NRG3: variants seen among roughly 807,000 people sequenced by gnomAD.
NRG3 encodes the protein neuregulin 3.
In NRG3, 31 loss-of-function variants were observed where a neutral mutation model predicts 66.9. The observed-to-expected ratio is 0.46, with a 90% CI of 0.35 to 0.63. The LOEUF (loss-of-function observed/expected upper bound fraction) is 0.63, where lower values mean the gene tolerates loss of function less well. Ranked by LOEUF, NRG3 falls within the 20% of genes least tolerant of loss-of-function variation. The pLI is 0.00. For synonymous variants in NRG3, 393 were observed against 359.4 expected (o/e 1.09, Z -1.06); for missense variants, 910 against 878.9 (o/e 1.04, Z -0.45).
At chr10:82,109,826 C>T (rs2067281130) in intron 1 of NRG3, among the ~76,000 whole-genome samples, 1 of 151,928 alleles carries the variant, frequency 6.6e-6, no homozygotes, top group South Asian at 2.1e-4. Flanking sequence ...GCAGCAGGTG[C>T]AGAACTAAAG....
chr10:81,902,949 A>G (rs1301959633), intron 1 of NRG3, among the ~76,000 whole-genome samples: 2 of 151,974 alleles, frequency 1.3e-5, no homozygotes, highest in African/African-American at 4.8e-5. Context: ...ACAACATCTC[A>G]CTCAGTTCTC....
Position 82,917,155 on chromosome 10 carries a change from A to G in NRG3, c.1055-34314A>G, listed in dbSNP as rs142106814. Among the ~76,000 whole-genome samples the G allele has an allele frequency of 3.7e-3, 567 of 152,338 alleles. 6 individuals are homozygous for G. Among genetic ancestry groups the G allele is most frequent in the Admixed American group, 5.4e-3 (82 of 15,300 alleles). ...AGTAAGGAATTTGATAAGGGGGAAGAAAATTAAACAGGGTCCTAATATTGG... is the reference window on the plus strand; with the variant it reads ...AGTAAGGAATTTGATAAGGGGGAAGGAAATTAAACAGGGTCCTAATATTGG... On this transcript the variant is annotated intron_variant, in intron 4 of 8. Transcript: ENST00000372141.
chr10:82,002,487 C>T (rs1387695027), intron 1 of NRG3, among the ~76,000 whole-genome samples: 1 of 152,132 alleles, frequency 6.6e-6, no homozygotes, highest in Non-Finnish European at 1.5e-5. Flanking sequence ...ACTTGTAATT[C>T]AGCAGCTGTG....
intron 1 of NRG3, among the ~76,000 whole-genome samples, chr10:82,316,517 CT>C (rs1564787668): frequency 3.3e-5 from 5 of 152,046 alleles, no homozygotes; most frequent in East Asian, 1.9e-4. Flanking sequence ...CCTACGGACC[CT>C]TTTTTCCCCC....
intron 2 of NRG3, among the ~76,000 whole-genome samples, chr10:82,647,259 G>T (rs1185758466): frequency 6.6e-6 from 1 of 151,998 alleles, no homozygotes; most frequent in African/African-American, 2.4e-5. Context: ...GCGGTGTTTG[G>T]TTTTTTGTTC....
chr10:82,925,916 C>T (rs964387474), intron 4 of NRG3, among the ~76,000 whole-genome samples: 10 of 152,202 alleles, frequency 6.6e-5, no homozygotes, highest in African/African-American at 2.4e-4. Context: ...GATGGCAAGG[C>T]AAGCAGGGCA....
At chr10:82,603,844 T>C (rs1196694610) in intron 2 of NRG3, among the ~76,000 whole-genome samples, 1 of 152,162 alleles carries the variant, frequency 6.6e-6, no homozygotes, top group Non-Finnish European at 1.5e-5. Flanking sequence ...TGGCATTGGA[T>C]TTCATACAAA....
intron 2 of NRG3, among the ~76,000 whole-genome samples, chr10:82,517,363 G>A (rs1317246584): frequency 2.0e-5 from 3 of 152,062 alleles, no homozygotes; most frequent in Non-Finnish European, 4.4e-5. Flanking sequence ...AGTTTTCTCT[G>A]TCATTTAAGA....
At chr10:82,026,228 G>A (rs529256100) in intron 1 of NRG3, among the ~76,000 whole-genome samples, 4 of 151,984 alleles carry the variant, frequency 2.6e-5, no homozygotes, top group Admixed American at 1.3e-4. Context: ...GGTTAGTTAC[G>A]TGTACACTGG....
At chr10:81,880,343 G>T (rs189213298) in intron 1 of NRG3, among the ~76,000 whole-genome samples, 48 of 152,080 alleles carry the variant, frequency 3.2e-4, no homozygotes, top group African/African-American at 1.0e-3. Context: ...CCTTCTGCAG[G>T]ATTAATTTGT....
chr10:82,470,834 G>A (rs574803954), intron 2 of NRG3, among the ~76,000 whole-genome samples: 1 of 152,284 alleles, frequency 6.6e-6, no homozygotes, highest in South Asian at 2.1e-4. Context: ...TGAAGTGAGA[G>A]CTTCCAACCC....
chr10:82,709,598 C>G (rs2056534425), intron 2 of NRG3, among the ~76,000 whole-genome samples: 2 of 152,048 alleles, frequency 1.3e-5, no homozygotes, highest in African/African-American at 4.8e-5. Context: ...CCAGGATGGT[C>G]TGGATCTCTT....
intron 1 of NRG3, among the ~76,000 whole-genome samples, chr10:82,069,032 G>A (rs1353020124): frequency 6.6e-6 from 1 of 152,192 alleles, no homozygotes; most frequent in Non-Finnish European, 1.5e-5. Context: ...TTTGAAAACT[G>A]TAAGTAGAAA....
intron 1 of NRG3, among the ~76,000 whole-genome samples, chr10:82,305,903 G>T (rs933043687): frequency 6.6e-6 from 1 of 152,092 alleles, no homozygotes; most frequent in Non-Finnish European, 1.5e-5. Context: ...GGTGACTGGG[G>T]ATATTGTTTT....
At chr10:82,550,446 A>T (rs1053673255) in intron 2 of NRG3, among the ~76,000 whole-genome samples, 1 of 152,036 alleles carries the variant, frequency 6.6e-6, no homozygotes, top group Non-Finnish European at 1.5e-5. Flanking sequence ...TGGTTCTATC[A>T]TATTTCCATT....
chr10:82,132,276 A>G (rs1162810899), intron 1 of NRG3, among the ~76,000 whole-genome samples: 4 of 151,010 alleles, frequency 2.6e-5, no homozygotes, highest in East Asian at 1.9e-4. Context: ...TGCATTTTCA[A>G]TATCAATGGA....
At chr10:82,811,123 A>G (rs921774675) in intron 3 of NRG3, among the ~76,000 whole-genome samples, 1 of 152,152 alleles carries the variant, frequency 6.6e-6, no homozygotes, top group African/African-American at 2.4e-5. Context: ...CTGTCTCCCA[A>G]GCATATATAC....
At chr10:82,268,338 G>C (rs1340175443) in intron 1 of NRG3, among the ~76,000 whole-genome samples, 1 of 152,124 alleles carries the variant, frequency 6.6e-6, no homozygotes. Context: ...AAATGGAACA[G>C]ATGGACCCCA....
At chr10:82,720,904 T>C (rs2057277461) in intron 2 of NRG3, among the ~76,000 whole-genome samples, 1 of 147,524 alleles carries the variant, frequency 6.8e-6, no homozygotes, top group Non-Finnish European at 1.5e-5. Flanking sequence ...TCACCATGTA[T>C]TTATTGAGTT....
Sources: gnomAD v4.1 joint callset for allele counts (sites outside exome capture counted in the v4.1 genomes callset) on GRCh38, gnomAD v4.1.1 for gene constraint, MANE v1.5 for transcripts, NCBI Gene and HGNC (gene_info 2026-07-23, HGNC 2026-07-21) for gene names.